The following TMEM132C variants were observed in gnomAD, a reference collection of about 807,000 sequenced individuals.
TMEM132C encodes protein phosphatase 1, regulatory subunit 152.
TMEM132C carries 29 observed loss-of-function variants against 61.4 expected under a neutral mutation model. The ratio of observed to expected loss-of-function variants is 0.47; its 90% CI spans 0.35 to 0.64. The LOEUF is 0.64. TMEM132C is among the 30% of genes least tolerant of loss of function. The pLI is 0.00. For missense variants in TMEM132C, 1,408 were observed against 1,476.9 expected (o/e 0.95, Z 0.76); for synonymous variants, 656 against 633.1 (o/e 1.04, Z -0.54).
intron 3 of TMEM132C, among the ~76,000 whole-genome samples, chr12:128,609,744 C>A (rs1021552006): frequency 6.6e-6 from 1 of 152,184 alleles, no homozygotes; most frequent in African/African-American, 2.4e-5. Flanking sequence ...ATTCCCCTGG[C>A]GTATTGGATC....
At chr12:128,665,653 A>C (rs1442168260) in intron 4 of TMEM132C, among the ~76,000 whole-genome samples, 1 of 148,366 alleles carries the variant, frequency 6.7e-6, no homozygotes, top group Non-Finnish European at 1.5e-5. Context: ...ACCCAGGCAC[A>C]TGTACCCATA....
chr12:128,311,641 C>T (rs1235959805), intron 1 of TMEM132C, among the ~76,000 whole-genome samples: 3 of 152,242 alleles, frequency 2.0e-5, no homozygotes, highest in African/African-American at 7.2e-5. Context: ...TTCCCTCTCT[C>T]CTTCGTGCAA....
chr12:128,637,695 A>C (rs1954114336), intron 4 of TMEM132C, among the ~76,000 whole-genome samples: 1 of 151,930 alleles, frequency 6.6e-6, no homozygotes, highest in Non-Finnish European at 1.5e-5. Flanking sequence ...TTTTTAAGGC[A>C]TCTCCCCCAT....
At chr12:128,329,468 A>G (rs2135943618) in intron 1 of TMEM132C, among the ~76,000 whole-genome samples, 1 of 152,254 alleles carries the variant, frequency 6.6e-6, no homozygotes, top group East Asian at 1.9e-4. Context: ...AAGAGGATTA[A>G]CTTTTATTGG....
chr12:128,695,868 G>C lies in TMEM132C; in HGVS notation c.1694G>C (p.Arg565Pro), dbSNP rs770949094. The part of the protein sequence containing the change: ...RESEDEDEEE[R>P]RGRGCALQYQ... ...AGCGAGGATGAGGACGAGGAGGAGC[G>C]GCGGGGCCGGGGCTGCGCACTGCAA... Residue 565 changes from arginine to proline, a missense_variant, in exon 7 of 9, where the codon CGG (arginine) becomes CCG (proline). Transcript: ENST00000435159. The C allele has an allele frequency of 6.5e-6, 10 of 1,547,860 alleles. No individual in the cohort carries two copies. The highest frequency in any genetic ancestry group is 1.7e-4 in the Middle Eastern group (1 of 5,992).
chr12:128,514,579 A>C (rs1038312630), intron 2 of TMEM132C, among the ~76,000 whole-genome samples: 1 of 152,078 alleles, frequency 6.6e-6, no homozygotes, highest in Non-Finnish European at 1.5e-5. Context: ...CAAAGTTCTG[A>C]TTTGACCCCA....
rs929586994 is a variant in TMEM132C, at chr12:128,619,427, T to C, written c.1305+3092T>C. The stretch of plus-strand genomic sequence containing the variant: ...ATGCAATGGGAAAAGCAGGGAGACG[T>C]GCTCTCGACTCTCCCCAGAGCAGAC... On this transcript the variant is annotated intron_variant, in intron 4 of 8. Transcript: ENST00000435159. 9.2e-5 allele frequency among the ~76,000 whole-genome samples: 14 copies of C among 152,344 alleles called. No homozygotes were observed. In the East Asian group the frequency reaches 2.7e-3, roughly 29 times the overall value.
chr12:128,544,283 C>G (rs902851454), intron 3 of TMEM132C, among the ~76,000 whole-genome samples, 180 bp downstream of exon 3: 1 of 152,220 alleles, frequency 6.6e-6, no homozygotes, highest in Non-Finnish European at 1.5e-5. Flanking sequence ...TGCAGCAGGG[C>G]GGGGTGGGGC....
chr12:128,687,201 CAA>C (rs55934804), intron 5 of TMEM132C, among the ~76,000 whole-genome samples: 2 of 114,460 alleles, frequency 1.7e-5, no homozygotes, highest in Non-Finnish European at 1.7e-5. Flanking sequence ...GACTCTGTCT[CAA>C]AAAAAAAAAA....
intron 1 of TMEM132C, among the ~76,000 whole-genome samples, chr12:128,376,908 C>A (rs1472743918): frequency 6.6e-6 from 1 of 152,172 alleles, no homozygotes; most frequent in Non-Finnish European, 1.5e-5. Flanking sequence ...TGGCGTGGAC[C>A]CCCAAAGCAG....
rs1010627302 is a variant in TMEM132C, at chr12:128,593,979, T to C, written c.1122-22173T>C. On this transcript the variant is annotated intron_variant, in intron 3 of 8. Transcript: ENST00000435159. ...CTGGCTCTCCTGAGTTAGAGAGCAA[T>C]GGGGCTCCTTCTGTACCCCAACATA... 1.7e-3 allele frequency among the ~76,000 whole-genome samples: 255 copies of C among 152,180 alleles called. 3 individuals are homozygous for C. Among genetic ancestry groups the C allele is most frequent in the Non-Finnish European group, 5.1e-4 (35 of 68,020 alleles).
At chr12:128,642,751 C>T (rs1167117551) in intron 4 of TMEM132C, among the ~76,000 whole-genome samples, 1 of 152,142 alleles carries the variant, frequency 6.6e-6, no homozygotes, top group Non-Finnish European at 1.5e-5. Flanking sequence ...GTTACTCAGC[C>T]TCAGATAATC....
At chr12:128,460,291 A>G (rs1870489823) in intron 2 of TMEM132C, among the ~76,000 whole-genome samples, 1 of 152,194 alleles carries the variant, frequency 6.6e-6, no homozygotes, top group African/African-American at 2.4e-5. Flanking sequence ...GACTGCCTTT[A>G]GACCCATCTC....
intron 8 of TMEM132C, 79 bp from the exon 9 acceptor site, chr12:128,705,011 T>G (rs902061): frequency 2.1e-6 from 3 of 1,428,452 alleles, no homozygotes; most frequent in Non-Finnish European, 2.8e-6. Flanking sequence ...CCCTGTTTCA[T>G]TGGGCGTCCT....
intron 3 of TMEM132C, among the ~76,000 whole-genome samples, chr12:128,567,991 C>G (rs768034499): frequency 6.6e-6 from 1 of 152,166 alleles, no homozygotes; most frequent in Non-Finnish European, 1.5e-5. Context: ...TTACATGACG[C>G]AGGAGCCAAT....
chr12:128,333,444 T>C (rs1872714265), intron 1 of TMEM132C, among the ~76,000 whole-genome samples: 1 of 151,952 alleles, frequency 6.6e-6, no homozygotes, highest in African/African-American at 2.4e-5. Flanking sequence ...GTTTTGTTTA[T>C]GTGTGTGAGC....
chr12:128,324,847 T>A (rs1872453649), intron 1 of TMEM132C, among the ~76,000 whole-genome samples: 2 of 152,132 alleles, frequency 1.3e-5, no homozygotes, highest in East Asian at 1.9e-4. Flanking sequence ...TTAAAAAAAA[T>A]GTTGTGAGCA....
intron 1 of TMEM132C, among the ~76,000 whole-genome samples, chr12:128,296,506 C>T (rs1408079519): frequency 2.6e-5 from 4 of 152,188 alleles, no homozygotes; most frequent in African/African-American, 7.2e-5. Flanking sequence ...GCCAGCTTTA[C>T]AGAGGCTTCT....
intron 1 of TMEM132C, among the ~76,000 whole-genome samples, chr12:128,331,425 C>T (rs1370095301): frequency 6.6e-6 from 1 of 152,206 alleles, no homozygotes. Flanking sequence ...ACTAATTTCT[C>T]AATACTTCTG....
Sources: gnomAD v4.1 joint callset for allele counts (sites outside exome capture counted in the v4.1 genomes callset) on GRCh38, gnomAD v4.1.1 for gene constraint, MANE v1.5 for transcripts, NCBI Gene and HGNC (gene_info 2026-07-23, HGNC 2026-07-21) for gene names.